The following FYN variants were observed in gnomAD, a reference collection of about 807,000 sequenced individuals.
The protein encoded by FYN is FYN proto-oncogene, Src family tyrosine kinase.
A neutral mutation model predicts 70.2 loss-of-function variants in FYN; 10 were observed. The observed-to-expected ratio is 0.14, with a 90% CI of 0.09 to 0.24. The LOEUF is 0.24. Among genes scored for constraint, FYN ranks in the 10% least tolerant of loss-of-function variants. The pLI is 1.00. For synonymous variants in FYN, 236 were observed against 248.6 expected, an observed-to-expected ratio of 0.95 and a Z score of 0.48; for missense variants, 319 against 673.1, an observed-to-expected ratio of 0.47 and a Z score of 5.82.
intron 3 of FYN, among the ~76,000 whole-genome samples, chr6:111,777,348 A>C (rs542217522): frequency 6.6e-6 from 1 of 151,486 alleles, no homozygotes. Context: ...TCAAATGTTA[A>C]GATATTTCCA....
intron 2 of FYN, among the ~76,000 whole-genome samples, chr6:111,812,349 G>A (rs1265489132): frequency 6.6e-6 from 1 of 152,186 alleles, no homozygotes; most frequent in East Asian, 1.9e-4. Flanking sequence ...CATCTAAATG[G>A]ATGTGTTAAT....
At chr6:111,695,586 T>C (rs1036433733) in intron 10 of FYN, among the ~76,000 whole-genome samples, 2 of 152,132 alleles carry the variant, frequency 1.3e-5, no homozygotes, top group Admixed American at 1.3e-4. Flanking sequence ...GAAAAAAAAA[T>C]TCCCATTAAA....
At chr6:111,695,368 A>G (rs1799528002) in intron 10 of FYN, among the ~76,000 whole-genome samples, 1 of 152,244 alleles carries the variant, frequency 6.6e-6, no homozygotes, top group South Asian at 2.1e-4. Context: ...CAGCCAGCCA[A>G]GCCTTAAATC....
intron 12 of FYN, among the ~76,000 whole-genome samples, chr6:111,690,777 C>T (rs184576796): frequency 2.0e-4 from 31 of 152,290 alleles, no homozygotes; most frequent in African/African-American, 5.8e-4. Flanking sequence ...CTGAGGTAGG[C>T]AAAAGTTAAA....
intron 5 of FYN, among the ~76,000 whole-genome samples, chr6:111,711,776 G>A (rs1800391104): frequency 1.3e-5 from 2 of 152,188 alleles, no homozygotes; most frequent in African/African-American, 4.8e-5. Context: ...CTGTATTATT[G>A]CTTTGTTTTT....
At chr6:111,705,917 G>C (rs925312324) in intron 6 of FYN, among the ~76,000 whole-genome samples, 4 of 152,108 alleles carry the variant, frequency 2.6e-5, no homozygotes, top group Non-Finnish European at 4.4e-5. Context: ...CCAAGTGCTG[G>C]GATTACAGGA....
intron 2 of FYN, among the ~76,000 whole-genome samples, chr6:111,822,780 C>T (rs976756145): frequency 2.0e-4 from 31 of 151,834 alleles, no homozygotes; most frequent in African/African-American, 7.3e-4. Flanking sequence ...GAAGGAAATG[C>T]AAGAGAGAGT....
intron 3 of FYN, among the ~76,000 whole-genome samples, chr6:111,768,564 G>A (rs559063358): frequency 9.2e-5 from 14 of 152,270 alleles, no homozygotes; most frequent in Admixed American, 7.2e-4. Flanking sequence ...CCTGTTCTCC[G>A]GGACTCCGAA....
chr6:111,832,097 T>C (rs1773034457), intron 2 of FYN, among the ~76,000 whole-genome samples: 1 of 152,218 alleles, frequency 6.6e-6, no homozygotes, highest in East Asian at 1.9e-4. Flanking sequence ...AATCCATACA[T>C]TAATGATGGT....
intron 2 of FYN, among the ~76,000 whole-genome samples, chr6:111,810,623 C>T (rs1446341863): frequency 6.6e-6 from 1 of 152,126 alleles, no homozygotes; most frequent in Non-Finnish European, 1.5e-5. Flanking sequence ...CTAAATCAAC[C>T]AATGTATGCT....
At chr6:111,717,863 G>A (rs541083545) in intron 4 of FYN, among the ~76,000 whole-genome samples, 78 of 152,252 alleles carry the variant, frequency 5.1e-4, no homozygotes, top group Non-Finnish European at 8.4e-4. Flanking sequence ...AGAAGAGTGG[G>A]GCTTGTCTTT....
At chr6:111,690,000 G>A (rs1427625602) in intron 12 of FYN, among the ~76,000 whole-genome samples, 1 of 152,162 alleles carries the variant, frequency 6.6e-6, no homozygotes, top group Non-Finnish European at 1.5e-5. Flanking sequence ...GAACTTGTTA[G>A]GTTTAAATCA....
chr6:111,739,123 T>C (rs190838353), intron 3 of FYN, among the ~76,000 whole-genome samples: 23 of 152,322 alleles, frequency 1.5e-4, no homozygotes, highest in African/African-American at 5.5e-4. Flanking sequence ...AATGACCATG[T>C]TGCTATCGTT....
intron 2 of FYN, among the ~76,000 whole-genome samples, chr6:111,790,620 C>T (rs1450441428): frequency 2.0e-5 from 3 of 152,172 alleles, no homozygotes; most frequent in African/African-American, 7.2e-5. Flanking sequence ...TTTGAATTAT[C>T]TCACTAACAT....
At chr6:111,786,963 T>C (rs971558190) in intron 2 of FYN, among the ~76,000 whole-genome samples, 3 of 152,248 alleles carry the variant, frequency 2.0e-5, no homozygotes, top group African/African-American at 7.2e-5. Flanking sequence ...TTCTGGATAT[T>C]AGCCCTTTGT....
chr6:111,845,809 G>A (rs1172350431), intron 2 of FYN, among the ~76,000 whole-genome samples: 1 of 152,166 alleles, frequency 6.6e-6, no homozygotes, highest in African/African-American at 2.4e-5. Context: ...GAGCTGCGAC[G>A]TCCAGCCTTT....
intron 3 of FYN, among the ~76,000 whole-genome samples, chr6:111,766,584 T>C (rs1420314539): frequency 1.3e-5 from 2 of 152,194 alleles, no homozygotes; most frequent in East Asian, 1.9e-4. Flanking sequence ...AGAGGTTAAA[T>C]TGACTCACAG....
chr6:111,680,387 A>G lies in FYN; in HGVS notation c.1274-5757T>C, dbSNP rs189811681. 1.6e-3 allele frequency among the ~76,000 whole-genome samples: 242 copies of G among 152,358 alleles called. 2 individuals are homozygous for G. Among genetic ancestry groups the G allele is most frequent in the Non-Finnish European group, 2.4e-3 (164 of 68,032 alleles). On this transcript the variant is annotated intron_variant, in intron 12 of 13. Coordinates refer to ENST00000354650, the MANE Select transcript of FYN (RefSeq NM_002037.5). ...CTACAATAAAGTGCTATGAAGAATA[A>G]TAAGATGGGGTACAAGGACAGATTT...
At chr6:111,707,087 T>C (rs952975310) in intron 6 of FYN, among the ~76,000 whole-genome samples, 10 of 152,098 alleles carry the variant, frequency 6.6e-5, no homozygotes, top group South Asian at 6.2e-4. Context: ...GAGCCAAAGG[T>C]TGGGCTTGGT....
Sources: allele counts gnomAD v4.1 joint callset (sites outside exome capture counted in the v4.1 genomes callset), GRCh38; gene constraint gnomAD v4.1.1; transcripts MANE v1.5; gene names NCBI Gene and HGNC (gene_info 2026-07-23, HGNC 2026-07-21).